Variants in IMMT observed in about 807,000 individuals in gnomAD.
IMMT encodes the protein inner membrane mitochondrial protein.
In IMMT, 40 loss-of-function variants were observed where a neutral mutation model predicts 92.7. The ratio of observed to expected loss-of-function variants is 0.43; its 90% CI spans 0.34 to 0.56. The LOEUF is 0.56. IMMT is among the 20% of genes least tolerant of loss of function. The probability of loss-of-function intolerance (pLI) is 0.03; values close to 1 mark genes in which losing one functional copy is unlikely to be tolerated. For missense variants in IMMT, 831 were observed against 912.1 expected (o/e 0.91, Z 1.14); for synonymous variants, 322 against 336.1 (o/e 0.96, Z 0.46).
intron 12 of IMMT, among the ~76,000 whole-genome samples, chr2:86,149,144 A>G (rs1468401587): frequency 6.6e-6 from 1 of 152,218 alleles, no homozygotes; most frequent in African/African-American, 2.4e-5. Context: ...CATAACAGAA[A>G]GTAATACAGA....
chr2:86,180,566 T>A (rs1672368205), intron 2 of IMMT, among the ~76,000 whole-genome samples: 1 of 151,134 alleles, frequency 6.6e-6, no homozygotes, highest in Admixed American at 6.6e-5. Context: ...ACGCCCGGCC[T>A]AAACACAATA....
chr2:86,181,448 TA>T, intron 1 of IMMT, 76 bp from the exon 2 acceptor site: 1 of 930,918 alleles, frequency 1.1e-6, no homozygotes. Flanking sequence ...AATACAGAAA[TA>T]ATACTTTTAT....
At chr2:86,171,825 A>G (rs986031588) in intron 4 of IMMT, among the ~76,000 whole-genome samples, 2 of 150,820 alleles carry the variant, frequency 1.3e-5, no homozygotes, top group East Asian at 3.9e-4. Flanking sequence ...ACAGTGATCA[A>G]GAACAGAACT....
chr2:86,156,879 A>G (rs1675895434), intron 10 of IMMT, among the ~76,000 whole-genome samples: 1 of 152,226 alleles, frequency 6.6e-6, no homozygotes, highest in Non-Finnish European at 1.5e-5. Context: ...TATCTAATGC[A>G]AAGAGACAAC....
chr2:86,178,367 C>A (rs1677587716), intron 3 of IMMT, among the ~76,000 whole-genome samples: 1 of 150,824 alleles, frequency 6.6e-6, no homozygotes, highest in African/African-American at 2.4e-5. Context: ...GTATCTCACA[C>A]CTGTAATCCC....
intron 6 of IMMT, among the ~76,000 whole-genome samples, chr2:86,168,653 A>C (rs565364458): frequency 2.6e-5 from 4 of 152,212 alleles, no homozygotes; most frequent in African/African-American, 7.2e-5. Flanking sequence ...ATGATATCAC[A>C]TGACAAAAAA....
At position 86,144,277 on chromosome 2, in the gene IMMT, C is replaced by G. The variant is rs1674819509; in HGVS notation, c.2268G>C (p.Gln756His). ...AAAATCTTCCTAAACCTCACTCTGG[C>G]TGCACCTGAGTGGTTCCTATTCCTA... ...SAVGIGTTQV[Q>H]PE The change falls in exon 15 of 15, where the codon CAG (glutamine) becomes CAC (histidine). Residue 756 changes from glutamine to histidine, a missense_variant. Coordinates refer to ENST00000410111, the MANE Select transcript of IMMT (RefSeq NM_006839.3). 6.2e-7 allele frequency: 1 copy of G among 1,613,686 alleles called. No homozygotes were observed.
chr2:86,166,997 C>T (rs906892047), intron 6 of IMMT, among the ~76,000 whole-genome samples: 4 of 150,356 alleles, frequency 2.7e-5, no homozygotes, highest in African/African-American at 9.7e-5. Flanking sequence ...ACCTGGGAGG[C>T]TGAGGCAGGA....
At chr2:86,190,415 T>TA (rs1466195535) in intron 1 of IMMT, among the ~76,000 whole-genome samples, 1 of 152,208 alleles carries the variant, frequency 6.6e-6, no homozygotes, top group Non-Finnish European at 1.5e-5. Context: ...TCTTTCAAGT[T>TA]ATAAGCAGGA....
intron 11 of IMMT, among the ~76,000 whole-genome samples, 197 bp downstream of exon 11, chr2:86,153,363 A>G (rs1458405076): frequency 6.7e-6 from 1 of 149,792 alleles, no homozygotes; most frequent in Non-Finnish European, 1.5e-5. Context: ...TAGGATTCCA[A>G]TCACTTGATG....
In IMMT at chr2:86,151,042, G is replaced by A. The variant is rs186921523; in HGVS notation, c.1401+255C>T. 1.5e-3 allele frequency among the ~76,000 whole-genome samples: 234 copies of A among 151,934 alleles called. 2 individuals are homozygous for A. Among genetic ancestry groups the A allele is most frequent in the African/African-American group, 5.4e-3 (223 of 41,422 alleles). On this transcript the variant is annotated intron_variant, in intron 12 of 14. Coordinates refer to ENST00000410111, the MANE Select transcript of IMMT (RefSeq NM_006839.3). The stretch of plus-strand genomic sequence containing the variant: ...AGTGGTTCTCCTGCCTCAGCCTTCC[G>A]AGTAGCTGGGATTACAGGTGCGAGC...
chr2:86,178,494 C>G (rs1041107944), intron 3 of IMMT, among the ~76,000 whole-genome samples: 1 of 149,930 alleles, frequency 6.7e-6, no homozygotes, highest in African/African-American at 2.5e-5. Context: ...GGTGTGGTGG[C>G]GCCCGCCTAT....
chr2:86,161,232 GT>G (rs1455026845), intron 8 of IMMT, among the ~76,000 whole-genome samples: 3 of 152,072 alleles, frequency 2.0e-5, no homozygotes, highest in Admixed American at 6.6e-5. Context: ...CACAATCTCA[GT>G]TCACTGCAAC....
rs535774604 is a variant in IMMT at position 86,183,395 on chromosome 2, G to A, written c.46-2023C>T. The stretch of plus-strand genomic sequence containing the variant: ...TGGTCTCAACCTATTCTCCTGCCAC[G>A]GCCTCCCAAAGTGTTGGAATTACAG... On this transcript the variant is annotated intron_variant, in intron 1 of 14. Transcript: ENST00000410111. 3.9e-5 allele frequency among the ~76,000 whole-genome samples: 6 copies of A among 152,078 alleles called. No individual in the cohort carries two copies. The East Asian group carries it at 1.2e-3, about 29-fold the overall frequency.
intron 3 of IMMT, among the ~76,000 whole-genome samples, chr2:86,175,740 T>C (rs78000477): frequency 6.5e-5 from 7 of 107,686 alleles, no homozygotes; most frequent in African/African-American, 2.4e-4. Flanking sequence ...AAAAAAAAAA[T>C]AGAAACACTA....
intron 1 of IMMT, among the ~76,000 whole-genome samples, chr2:86,184,943 C>A (rs968850020): frequency 2.0e-5 from 3 of 152,146 alleles, no homozygotes; most frequent in Non-Finnish European, 4.4e-5. Context: ...AATCCCAGCA[C>A]TTTGGGAGGC....
rs1324303972 is a variant in IMMT, at chr2:86,175,189, CT to C, written c.310-1429del. 2.6e-5 allele frequency among the ~76,000 whole-genome samples: 4 copies of C among 152,166 alleles called. No homozygotes were observed. The East Asian group carries it at 7.7e-4, about 29-fold the overall frequency. On this transcript the variant is annotated intron_variant, in intron 3 of 14. Transcript: ENST00000410111. ...AAAAAGTCTATCTAGAAAAGCACCC[CT>C]CCTCATCCCTTTTTCAAAATGTTCT...
intron 13 of IMMT, among the ~76,000 whole-genome samples, 178 bp from the exon 14 acceptor site, chr2:86,146,375 A>T (rs868702661): frequency 2.3e-4 from 31 of 135,240 alleles, no homozygotes; most frequent in African/African-American, 5.4e-4. Context: ...TATATAATAT[A>T]TTTTTTTTTT....
At chr2:86,168,341 G>A (rs1676861173) in intron 6 of IMMT, among the ~76,000 whole-genome samples, 1 of 152,168 alleles carries the variant, frequency 6.6e-6, no homozygotes, top group Admixed American at 6.5e-5. Flanking sequence ...AATAATAAAT[G>A]GGCCGGCGCA....
Sources: gnomAD v4.1 joint callset for allele counts (sites outside exome capture counted in the v4.1 genomes callset) on GRCh38, gnomAD v4.1.1 for gene constraint, MANE v1.5 for transcripts, NCBI Gene and HGNC (gene_info 2026-07-23, HGNC 2026-07-21) for gene names.